CHD8: variants seen among roughly 807,000 people sequenced by gnomAD.
CHD8 encodes the protein ATP-dependent chromatin remodeler CHD8.
Under a neutral mutation model 279.2 loss-of-function variants are expected in CHD8, and 31 were observed. That is an observed-to-expected ratio of 0.11 (90% CI 0.08 to 0.15). The LOEUF is 0.15. Ranked by LOEUF, CHD8 falls within the 10% of genes least tolerant of loss-of-function variation. The pLI is 1.00. For synonymous variants in CHD8, 1,081 were observed against 1,139.6 expected, an observed-to-expected ratio of 0.95 and a Z score of 1.04; for missense variants, 2,146 against 3,230.5, an observed-to-expected ratio of 0.66 and a Z score of 8.14.
chr14:21,435,647 G>A (rs1889751842), intron 1 of CHD8, among the ~76,000 whole-genome samples: 1 of 152,132 alleles, frequency 6.6e-6, no homozygotes, highest in Non-Finnish European at 1.5e-5. Flanking sequence ...TGGAGACTAA[G>A]GCCCTTAAGA....
chr14:21,398,915 TG>T, intron 26 of CHD8: 1 of 317,062 alleles, frequency 3.2e-6, no homozygotes, highest in East Asian at 9.0e-5. Flanking sequence ...GCAGCCAAGC[TG>T]ACATAGAGAT....
Position 21,402,110 on chromosome 14 carries a change from A to C in CHD8, c.3909T>G (p.Ile1303Met), listed in dbSNP as rs770533706. 6.2e-7 allele frequency: 1 copy of C among 1,609,370 alleles called. No homozygotes were observed. The highest frequency in any genetic ancestry group is 8.5e-7 in the Non-Finnish European group (1 of 1,178,770). ...TGIQQFSKKE[I>M]EDLLRKGAYA... ...ATGCTCCTTTTCTTAAAAGATCTTC[A>C]ATCTCCTTCTTAGAGAACTGTTGGA... is the stretch of plus-strand genomic sequence containing the variant. Residue 1303 changes from isoleucine (I) to methionine (M), a missense_variant, in exon 20 of 38, where the codon ATT becomes ATG. This residue lies in a region of CHD8 where 35 missense variants were observed against 82.4 expected (regional missense o/e 0.42). Transcript: ENST00000646647. The surrounding 1 kb of genome is among the most constrained non-coding windows in gnomAD (Gnocchi z 4.5).
intron 5 of CHD8, among the ~76,000 whole-genome samples, chr14:21,417,881 T>TAA (rs1566435661): frequency 7.6e-6 from 1 of 132,450 alleles, no homozygotes; most frequent in African/African-American, 2.8e-5. Context: ...TATATATATA[T>TAA]AATATATATA....
chr14:21,408,188 C>G lies in CHD8; in HGVS notation c.2730+124G>C. ...ATACAAAAATGCCTTAAACCATAGG[C>G]ATTTTTGCATAGGCATATTGAAGAC... is the stretch of plus-strand genomic sequence containing the variant. On this transcript the variant is annotated intron_variant, in intron 13 of 37. Coordinates refer to ENST00000646647, the MANE Select transcript of CHD8 (RefSeq NM_001170629.2). This position sits in a 1 kb window ranked among gnomAD's most constrained non-coding sequence, Gnocchi z 4.3. 1 of 1,210,290 alleles carries G rather than the reference C, an allele frequency of 8.3e-7. No homozygotes were observed. Among genetic ancestry groups the G allele is most frequent in the South Asian group, 1.6e-5 (1 of 64,336 alleles). The allele number at this position is 1,210,290 out of a possible 1,614,324, so 75.0% of individuals were successfully genotyped here. A position where few individuals can be genotyped will look rare whatever the true frequency, so the allele number is the denominator to read the frequency against.
Position 21,403,863 on chromosome 14 carries a change from C to G in CHD8, c.3308-200G>C, listed in dbSNP as rs1180300741. On this transcript the variant is annotated intron_variant, in intron 16 of 37. Coordinates refer to ENST00000646647, the MANE Select transcript of CHD8 (RefSeq NM_001170629.2). The surrounding 1 kb of genome is among the most constrained non-coding windows in gnomAD (Gnocchi z 4.3). ...CCTGTAATCCCAACACTTTGGGAGG[C>G]CGAGGCAGGTGGATCACTTGAGGTC... 6.6e-6 allele frequency among the ~76,000 whole-genome samples: 1 copy of G among 152,176 alleles called. No homozygotes were observed. Among genetic ancestry groups the G allele is most frequent in the Non-Finnish European group, 1.5e-5 (1 of 68,036 alleles).
At chr14:21,395,373 A>G in intron 28 of CHD8, 21 bp from the exon 29 acceptor site, 1 of 1,569,676 alleles carries the variant, frequency 6.4e-7, no homozygotes, top group East Asian at 2.3e-5. Flanking sequence ...AGATCCACCC[A>G]ATAGGATGGA....
intron 37 of CHD8, among the ~76,000 whole-genome samples, chr14:21,387,400 G>C (rs575356834): frequency 3.9e-4 from 59 of 151,656 alleles, no homozygotes; most frequent in African/African-American, 1.3e-3. Flanking sequence ...GGGAGGCTGA[G>C]GGCAGGCGGA....
intron 27 of CHD8, chr14:21,397,307 A>G (rs780478997): frequency 1.9e-6 from 1 of 518,518 alleles, no homozygotes; most frequent in Admixed American, 1.9e-5. Flanking sequence ...TCAGATCTTC[A>G]TGTGAGAAGT....
rs747428304 is a variant in CHD8, at chr14:21,409,838, C to G, written c.2364+13G>C. 1 of 1,610,398 alleles carries G rather than the reference C, an allele frequency of 6.2e-7. No individual in the cohort carries two copies. The highest frequency in any genetic ancestry group is 1.1e-5 in the South Asian group (1 of 90,364). ...TTATGTAGGCCTTTATACTTTAATG[C>G]AAATGTACTTACCACCCTTTTGAGT... On this transcript the variant is annotated intron_variant, in intron 11 of 37. Transcript: ENST00000646647.
At chr14:21,410,049 GA>G in intron 10 of CHD8, 61 bp from the exon 11 acceptor site, 6 of 1,476,314 alleles carry the variant, frequency 4.1e-6, no homozygotes, top group Non-Finnish European at 4.6e-6. Context: ...TCCAGTTAAA[GA>G]ATAAAAATTT....
rs1346963274 is a variant in CHD8, at chr14:21,407,006, C to T, written c.2757G>A (p.Lys919=). The T allele has an allele frequency of 1.3e-6, 2 of 1,592,762 alleles. No homozygotes were observed. Among genetic ancestry groups the T allele is most frequent in the Admixed American group, 3.6e-5 (2 of 56,194 alleles). The change falls in exon 14 of 38, where the codon AAG becomes AAA. Residue 919 remains lysine (K), a synonymous_variant. Transcript: ENST00000646647. ...CAAAAGTGGTGATCAGAGCGTCAAA[C>T]TTGTATGCGCCTGGGATGAGGCGTC... ...SRGRLIPGAY[K]FDALITTFEM...
intron 5 of CHD8, among the ~76,000 whole-genome samples, chr14:21,420,321 T>C (rs1245158518): frequency 6.6e-6 from 1 of 152,070 alleles, no homozygotes; most frequent in African/African-American, 2.4e-5. Context: ...CAGCCACCCC[T>C]TCTTTAGGTT....
At position 21,402,795 on chromosome 14, in the gene CHD8, T is replaced by TG. The variant is rs1162766180; in HGVS notation, c.3714+221dup. On this transcript the variant is annotated intron_variant, in intron 18 of 37. Transcript: ENST00000646647. The surrounding 1 kb of genome is among the most constrained non-coding windows in gnomAD (Gnocchi z 4.5). ...ATGGCTGTTTTTGCGCTACAGGACT[T>TG]GGAGATAAGCAGTTGCAACAAAGAC... 6.6e-6 allele frequency among the ~76,000 whole-genome samples: 1 copy of TG among 152,168 alleles called. No homozygotes were observed. The highest frequency in any genetic ancestry group is 1.5e-5 in the Non-Finnish European group (1 of 68,028).
Position 21,385,798 on chromosome 14 carries a change from C to G in CHD8, c.7561G>C (p.Val2521Leu). The G allele has an allele frequency of 7.5e-7, 1 of 1,338,252 alleles. No homozygotes were observed. Among genetic ancestry groups the G allele is most frequent in the Admixed American group, 2.5e-5 (1 of 40,690 alleles). 82.9% of individuals were successfully genotyped at this position (1,338,252 alleles called of 1,614,324 possible). A position where few individuals can be genotyped will look rare whatever the true frequency, so the allele number is the denominator to read the frequency against. ...LRAPGYPSSP[V>L]TTASGTTLRL... ...AAGGTAGTACCAGAGGCGGTAGTCA[C>G]TGGTGAAGAGGGGTAGCCAGGGGCT... The change falls in exon 38 of 38, where the codon GTG (valine) becomes CTG (leucine). Residue 2521 changes from valine (V) to leucine (L), a missense_variant. Val to Leu is a conservative substitution (Grantham distance 32). Coordinates refer to ENST00000646647, the MANE Select transcript of CHD8 (RefSeq NM_001170629.2).
chr14:21,414,838 G>A (rs2139496962), intron 8 of CHD8, 100 bp downstream of exon 8: 10 of 827,770 alleles, frequency 1.2e-5, no homozygotes. Flanking sequence ...TGGGCTACAA[G>A]ACTATAAAAA....
chr14:21,421,912 A>G (rs1001230949), intron 5 of CHD8, among the ~76,000 whole-genome samples: 1 of 152,248 alleles, frequency 6.6e-6, no homozygotes, highest in Non-Finnish European at 1.5e-5. Flanking sequence ...GACACCAGGG[A>G]TGTGTACCAA....
chr14:21,390,462 A>C (rs748421778), intron 37 of CHD8, among the ~76,000 whole-genome samples: 10 of 152,132 alleles, frequency 6.6e-5, no homozygotes, highest in Non-Finnish European at 1.3e-4. Context: ...TGAAGATACC[A>C]CAGGACTGCA....
In CHD8 at chr14:21,407,055, C is replaced by T. The variant is rs754953950; in HGVS notation, c.2731-23G>A. 10 of 1,527,460 alleles carry T rather than the reference C, an allele frequency of 6.5e-6. 1 individual carries two copies. The East Asian group carries it at 9.7e-5, about 15-fold the overall frequency. The allele number at this position is 1,527,460 out of a possible 1,614,324, so 94.6% of individuals were successfully genotyped here. On this transcript the variant is annotated intron_variant, in intron 13 of 37. Transcript: ENST00000646647. ...TCCCTAAGCATGAAGGCAGTAAAGT[C>T]AGAAAAAACCAAAAATGTACCTAAA...
Position 21,394,109 on chromosome 14 carries a change from A to G in CHD8, c.5686T>C (p.Leu1896=). The G allele has an allele frequency of 6.2e-7, 1 of 1,613,738 alleles. No homozygotes were observed. The highest frequency in any genetic ancestry group is 8.5e-7 in the Non-Finnish European group (1 of 1,179,770). The stretch of plus-strand genomic sequence containing the variant: ...GGGTGGCATAAAACTTGTTCCCGTA[A>G]GCGCCGAAGCAATTCTATACGGTAG... ...TLYRIELLRR[L]REQVLCHPLL... Residue 1896 remains leucine (L), a synonymous_variant, in exon 32 of 38, where the codon TTA becomes CTA. Coordinates refer to ENST00000646647, the MANE Select transcript of CHD8 (RefSeq NM_001170629.2).
Sources: allele counts gnomAD v4.1 joint callset (sites outside exome capture counted in the v4.1 genomes callset), GRCh38; gene constraint gnomAD v4.1.1; regional missense constraint gnomAD v4.1.1; non-coding constraint Gnocchi (gnomAD v3.1); transcripts MANE v1.5; gene names NCBI Gene and HGNC (gene_info 2026-07-23, HGNC 2026-07-21).